The following CYP39A1 variants were observed in gnomAD, a reference collection of about 807,000 sequenced individuals.
CYP39A1 encodes cytochrome P450 family 39 subfamily A member 1, also known as 24-hydroxycholesterol 7-alpha-hydroxylase.
CYP39A1 carries 49 observed loss-of-function variants against 58.1 expected under a neutral mutation model. The ratio of observed to expected loss-of-function variants is 0.84; its 90% CI spans 0.67 to 1.07. The LOEUF is 1.07. Among genes scored for constraint, CYP39A1 ranks in the 50% least tolerant of loss-of-function variants. CYP39A1 has a pLI of 0.00. For missense variants in CYP39A1, 531 were observed against 539.4 expected, an observed-to-expected ratio of 0.98 and a Z score of 0.16; for synonymous variants, 209 against 187.6, an observed-to-expected ratio of 1.11 and a Z score of -0.93.
In CYP39A1 at chr6:46,652,518, T is replaced by C. The variant is rs754752969; in HGVS notation, c.65A>G (p.Gln22Arg). 6.2e-7 allele frequency: 1 copy of C among 1,613,944 alleles called. No individual in the cohort carries two copies. Among genetic ancestry groups the C allele is most frequent in the Non-Finnish European group, 8.5e-7 (1 of 1,179,934 alleles). The change falls in exon 1 of 12, where the codon CAG becomes CGG. Residue 22 changes from glutamine to arginine, a missense_variant. By Grantham distance (43) the Gln-to-Arg change is conservative. Coordinates refer to ENST00000275016, the MANE Select transcript of CYP39A1 (RefSeq NM_016593.5). ...CGGGGGTCTACGCAAATTCTTCCGC[T>C]GAAGGAGTAAGAACAGAGCAAGGCA... ...LGCLALFLLL[Q>R]RKNLRRPPCI...
chr6:46,605,859 A>G (rs1308275938), intron 7 of CYP39A1, among the ~76,000 whole-genome samples: 1 of 152,168 alleles, frequency 6.6e-6, no homozygotes, highest in Non-Finnish European at 1.5e-5. Flanking sequence ...CTCAAAATCT[A>G]TTTACAGCAT....
At chr6:46,561,119 A>G (rs542392408) in intron 10 of CYP39A1, among the ~76,000 whole-genome samples, 2 of 152,330 alleles carry the variant, frequency 1.3e-5, no homozygotes, top group African/African-American at 4.8e-5. Context: ...TTGGTAGAAT[A>G]TTAGGAAGTA....
intron 10 of CYP39A1, among the ~76,000 whole-genome samples, chr6:46,581,367 G>A (rs1380398003): frequency 3.3e-5 from 5 of 149,464 alleles, no homozygotes; most frequent in South Asian, 2.1e-4. Context: ...CTATGATCAC[G>A]CCAGTGCACT....
At chr6:46,559,964 C>T (rs1406290977) in intron 10 of CYP39A1, among the ~76,000 whole-genome samples, 1 of 152,078 alleles carries the variant, frequency 6.6e-6, no homozygotes, top group Non-Finnish European at 1.5e-5. Context: ...TTCATGTTCT[C>T]ATAAAGCTTA....
chr6:46,605,664 C>T (rs1773802928), intron 7 of CYP39A1, among the ~76,000 whole-genome samples: 1 of 152,120 alleles, frequency 6.6e-6, no homozygotes, highest in African/African-American at 2.4e-5. Context: ...CCTCTTGCCT[C>T]CTCTCCCATT....
At chr6:46,607,774 A>C (rs1313233436) in intron 7 of CYP39A1, among the ~76,000 whole-genome samples, 1 of 152,170 alleles carries the variant, frequency 6.6e-6, no homozygotes, top group Non-Finnish European at 1.5e-5. Flanking sequence ...AAGATGAAAA[A>C]AATGCAAATA....
rs1773113559 is a variant in CYP39A1, at chr6:46,595,853, C to T, written c.1065+134G>A. 2.6e-5 allele frequency: 23 copies of T among 887,174 alleles called. 1 individual carries two copies. The South Asian group carries it at 3.0e-4, about 12-fold the overall frequency. The allele number at this position is 887,174 out of a possible 1,614,324, so 55.0% of individuals were successfully genotyped here. A position where few individuals can be genotyped will look rare whatever the true frequency, so the allele number is the denominator to read the frequency against. The stretch of plus-strand genomic sequence containing the variant: ...ACATATTTCAAAACCACATGTTGTA[C>T]AAGACAAATATATAAAATATTTATT... On this transcript the variant is annotated intron_variant, in intron 8 of 11. Transcript: ENST00000275016.
intron 1 of CYP39A1, among the ~76,000 whole-genome samples, chr6:46,650,069 C>T (rs1295572281): frequency 6.6e-6 from 1 of 151,378 alleles, no homozygotes; most frequent in African/African-American, 2.4e-5. Context: ...GAATGGACCC[C>T]CACCCAAGAT....
At chr6:46,595,691 C>G (rs1238043283) in intron 8 of CYP39A1, among the ~76,000 whole-genome samples, 1 of 151,988 alleles carries the variant, frequency 6.6e-6, no homozygotes, top group East Asian at 1.9e-4. Flanking sequence ...AACATGGTGA[C>G]TATTCCTAGT....
intron 7 of CYP39A1, among the ~76,000 whole-genome samples, chr6:46,599,468 A>T (rs910663560): frequency 6.6e-6 from 1 of 152,180 alleles, no homozygotes; most frequent in Non-Finnish European, 1.5e-5. Flanking sequence ...GTAGATGCAG[A>T]TCAGAACAAG....
chr6:46,557,947 AAAAAAAAG>A lies in CYP39A1; in HGVS notation c.1251-4101_1251-4094del, dbSNP rs1366494226. Among the ~76,000 whole-genome samples the A allele has an allele frequency of 9.3e-5, 14 of 150,498 alleles. No homozygotes were observed. In the East Asian group the frequency reaches 1.6e-3, roughly 17 times the overall value. Reference sequence around the variant, plus strand: ...AGACTCCATCTCAAAAAAAAAAAAAAAAAAAAAGAAAAAAAGAAAAAGAAAATCATGCT... The same window carrying A: ...AGACTCCATCTCAAAAAAAAAAAAAAAAAAAAAGAAAAAGAAAATCATGCT... On this transcript the variant is annotated intron_variant, in intron 10 of 11. Coordinates refer to ENST00000275016, the MANE Select transcript of CYP39A1 (RefSeq NM_016593.5).
intron 7 of CYP39A1, among the ~76,000 whole-genome samples, chr6:46,623,564 T>C (rs560485031): frequency 2.6e-4 from 40 of 152,296 alleles, no homozygotes; most frequent in African/African-American, 7.5e-4. Context: ...CAGCACATCA[T>C]GGGACTCCTC....
Position 46,616,124 on chromosome 6 carries a change from C to CT in CYP39A1, c.931+9293dup, listed in dbSNP as rs1304995638. 8.2e-3 allele frequency among the ~76,000 whole-genome samples: 72 copies of CT among 8,758 alleles called. 6 individuals are homozygous for CT. Among genetic ancestry groups the CT allele is most frequent in the African/African-American group, 0.019 (67 of 3,516 alleles). 5.7% of individuals were successfully genotyped at this position (8,758 alleles called of 152,430 possible). ...TCCTTTCTTTCTTTCTCTTTCTTTTCTTTCTTTCTTTCTTTCTTTCTTTCT... is the reference window on the plus strand; with the variant it reads ...TCCTTTCTTTCTTTCTCTTTCTTTTCTTTTCTTTCTTTCTTTCTTTCTTTCT... On this transcript the variant is annotated intron_variant, in intron 7 of 11. Coordinates refer to ENST00000275016, the MANE Select transcript of CYP39A1 (RefSeq NM_016593.5).
chr6:46,613,395 C>A lies in CYP39A1; in HGVS notation c.931+12023G>T, dbSNP rs115100555. 2.7e-3 allele frequency among the ~76,000 whole-genome samples: 408 copies of A among 152,302 alleles called. 3 individuals carry two copies. Among genetic ancestry groups the A allele is most frequent in the African/African-American group, 9.4e-3 (392 of 41,572 alleles). On this transcript the variant is annotated intron_variant, in intron 7 of 11. Coordinates refer to ENST00000275016, the MANE Select transcript of CYP39A1 (RefSeq NM_016593.5). ...ATTAGTGAGTGACAAGATTGAAATT[C>A]ATGAATCCAACTGCTAACTCTCTAA...
intron 7 of CYP39A1, among the ~76,000 whole-genome samples, chr6:46,609,401 C>A (rs1466489276): frequency 2.1e-5 from 3 of 143,704 alleles, no homozygotes; most frequent in Non-Finnish European, 4.5e-5. Flanking sequence ...TGGGCGACAG[C>A]GAGACTCCGT....
chr6:46,591,874 TTCTA>T (rs1320297112), intron 8 of CYP39A1, among the ~76,000 whole-genome samples: 2 of 152,158 alleles, frequency 1.3e-5, no homozygotes, highest in Admixed American at 6.6e-5. Context: ...TTCCAGTTAT[TTCTA>T]TTGATCTGAA....
intron 7 of CYP39A1, among the ~76,000 whole-genome samples, chr6:46,617,676 C>T (rs180826292): frequency 1.3e-5 from 2 of 152,214 alleles, no homozygotes; most frequent in South Asian, 2.1e-4. Context: ...AACTCACACC[C>T]CTACCACTTG....
chr6:46,595,572 C>T (rs1016071497), intron 8 of CYP39A1, among the ~76,000 whole-genome samples: 6 of 151,500 alleles, frequency 4.0e-5, no homozygotes, highest in Non-Finnish European at 5.9e-5. Flanking sequence ...TGGTAGTTAC[C>T]GGGGATTGAA....
chr6:46,645,271 T>C (rs752357820), intron 1 of CYP39A1, among the ~76,000 whole-genome samples: 2 of 152,186 alleles, frequency 1.3e-5, no homozygotes, highest in Non-Finnish European at 2.9e-5. Flanking sequence ...TATCTTTATG[T>C]TTTACATTTA....
Sources: gnomAD v4.1 joint callset for allele counts (sites outside exome capture counted in the v4.1 genomes callset) on GRCh38, gnomAD v4.1.1 for gene constraint, MANE v1.5 for transcripts, NCBI Gene and HGNC (gene_info 2026-07-23, HGNC 2026-07-21) for gene names.